The following C7orf78 variants were observed in gnomAD, a reference collection of about 807,000 sequenced individuals.
The protein encoded by C7orf78 is putative uncharacterized protein C7orf78.
At chr7:12,500,121 G>A in the C7orf78 span, among the ~76,000 whole-genome samples, 1 of 136,616 alleles carries the variant, frequency 7.3e-6, no homozygotes, top group Non-Finnish European at 1.6e-5. Flanking sequence ...GCCCACAAGA[G>A]AAAGCAGGAA....
chr7:12,506,676 G>T, the C7orf78 span: 4 of 223,216 alleles, frequency 1.8e-5, no homozygotes, highest in South Asian at 2.0e-4. Flanking sequence ...AGCATTAGGA[G>T]AAATACCTAA....
the C7orf78 span, among the ~76,000 whole-genome samples, chr7:12,497,248 C>T: frequency 6.6e-6 from 1 of 152,142 alleles, no homozygotes; most frequent in Non-Finnish European, 1.5e-5. Flanking sequence ...GGAACAGCTC[C>T]GGTCTACAGC....
the C7orf78 span, among the ~76,000 whole-genome samples, chr7:12,489,261 C>T: frequency 3.4e-5 from 4 of 117,740 alleles, no homozygotes; most frequent in African/African-American, 1.4e-4. Context: ...ATGTATATAT[C>T]ATCTGGATGG....
the C7orf78 span, among the ~76,000 whole-genome samples, chr7:12,495,524 G>A: frequency 4.6e-5 from 7 of 152,128 alleles, no homozygotes; most frequent in African/African-American, 7.2e-5. Flanking sequence ...TTACCTAGTT[G>A]TGTTGGTTAT....
the C7orf78 span, chr7:12,525,729 G>C: frequency 2.6e-6 from 1 of 389,918 alleles, no homozygotes; most frequent in East Asian, 3.6e-5. Context: ...TTTTACCAAG[G>C]AAATATTTAA....
At chr7:12,512,593 A>G in the C7orf78 span, among the ~76,000 whole-genome samples, 2 of 152,070 alleles carry the variant, frequency 1.3e-5, no homozygotes, top group Admixed American at 1.3e-4. Context: ...ATTTGCTAGC[A>G]TTTTGTTGCA....
the C7orf78 span, among the ~76,000 whole-genome samples, chr7:12,501,064 A>G: frequency 1.3e-5 from 2 of 151,138 alleles, no homozygotes; most frequent in African/African-American, 2.4e-5. Context: ...TAAATTAGGT[A>G]TTGATGGGAC....
the C7orf78 span, among the ~76,000 whole-genome samples, chr7:12,539,190 C>T: frequency 2.8e-3 from 424 of 152,244 alleles, 1 homozygote; most frequent in Non-Finnish European, 4.6e-3. Context: ...TAGGGCCGGG[C>T]GCAGTGGCTC....
At chr7:12,493,741 T>A in the C7orf78 span, among the ~76,000 whole-genome samples, 2 of 152,028 alleles carry the variant, frequency 1.3e-5, no homozygotes, top group African/African-American at 2.4e-5. Context: ...TAAAATGAGA[T>A]AATAAAAGTA....
the C7orf78 span, among the ~76,000 whole-genome samples, chr7:12,527,026 T>C: frequency 7.9e-6 from 1 of 125,980 alleles, no homozygotes; most frequent in East Asian, 2.2e-4. Context: ...TCAGCTTTCC[T>C]AGTATATGCT....
chr7:12,522,579 A>G, the C7orf78 span, among the ~76,000 whole-genome samples: 1 of 152,144 alleles, frequency 6.6e-6, no homozygotes, highest in Non-Finnish European at 1.5e-5. Context: ...ATCGATCCAA[A>G]TAACAGCTTT....
chr7:12,506,013 G>A, the C7orf78 span: 1 of 152,714 alleles, frequency 6.5e-6, no homozygotes, highest in East Asian at 1.9e-4. Flanking sequence ...GTACATTGAG[G>A]CCTTGAATGT....
At chr7:12,500,643 C>CAGCCGAATTCA in the C7orf78 span, among the ~76,000 whole-genome samples, 1 of 151,922 alleles carries the variant, frequency 6.6e-6, no homozygotes, top group East Asian at 1.9e-4. Flanking sequence ...CCGAATTCTA[C>CAGCCGAATTCA]CAGAGGTACA....
chr7:12,501,284 T>A, the C7orf78 span, among the ~76,000 whole-genome samples: 1 of 147,808 alleles, frequency 6.8e-6, no homozygotes, highest in Non-Finnish European at 1.5e-5. Flanking sequence ...AAAGAGGAAA[T>A]CAAATTGTCC....
At chr7:12,512,514 A>G in the C7orf78 span, among the ~76,000 whole-genome samples, 33 of 152,294 alleles carry the variant, frequency 2.2e-4, no homozygotes, top group African/African-American at 7.9e-4. Flanking sequence ...ATGTTGAACC[A>G]TCTTTTCAGC....
At chr7:12,534,716 G>A in the C7orf78 span, among the ~76,000 whole-genome samples, 18 of 152,280 alleles carry the variant, frequency 1.2e-4, 1 homozygote, top group South Asian at 2.3e-3. Flanking sequence ...ACACTGGTAA[G>A]CCAAAGTGGG....
At chr7:12,524,349 T>A in the C7orf78 span, among the ~76,000 whole-genome samples, 1 of 152,160 alleles carries the variant, frequency 6.6e-6, no homozygotes, top group Non-Finnish European at 1.5e-5. Flanking sequence ...AGGATAAAAT[T>A]TGGAAAATAC....
At chr7:12,527,573 CT>C in the C7orf78 span, among the ~76,000 whole-genome samples, 1 of 121,844 alleles carries the variant, frequency 8.2e-6, no homozygotes, top group East Asian at 2.6e-4. Flanking sequence ...AACATGTCAG[CT>C]TTCCTAGTAT....
At chr7:12,492,961 G>C in the C7orf78 span, among the ~76,000 whole-genome samples, 1 of 152,166 alleles carries the variant, frequency 6.6e-6, no homozygotes, top group Non-Finnish European at 1.5e-5. Flanking sequence ...CCAGCACTTT[G>C]GGAGGCCGAG....
Sources: gnomAD v4.1 joint callset for allele counts (sites outside exome capture counted in the v4.1 genomes callset) on GRCh38, gnomAD v4.1.1 for gene constraint, MANE v1.5 for transcripts, NCBI Gene and HGNC (gene_info 2026-07-23, HGNC 2026-07-21) for gene names.